Variants in FOXP2 observed in about 807,000 individuals in gnomAD.
FOXP2 encodes forkhead box protein P2.
In FOXP2, 12 loss-of-function variants were observed where a neutral mutation model predicts 115.8. The observed-to-expected ratio is 0.10, with a 90% CI of 0.07 to 0.17. FOXP2 has a LOEUF of 0.17. Ranked by LOEUF, FOXP2 falls within the 10% of genes least tolerant of loss-of-function variation. The pLI, the probability that FOXP2 is intolerant of heterozygous loss-of-function variation, is 1.00. For synonymous variants in FOXP2, 328 were observed against 297.7 expected, an observed-to-expected ratio of 1.10 and a Z score of -1.05; for missense variants, 629 against 843.5, an observed-to-expected ratio of 0.75 and a Z score of 3.15.
At chr7:114,449,130 T>C (rs1475977303) in intron 2 of FOXP2, among the ~76,000 whole-genome samples, 2 of 152,058 alleles carry the variant, frequency 1.3e-5, no homozygotes, top group East Asian at 3.8e-4. Flanking sequence ...CAATGACACA[T>C]TTAGAACTAT....
intron 2 of FOXP2, among the ~76,000 whole-genome samples, chr7:114,509,670 T>TGG (rs377552024): frequency 0.028 from 3,927 of 138,952 alleles, 125 homozygotes; most frequent in African/African-American, 0.086. Flanking sequence ...TTTTCTTTGG[T>TGG]GGGGGGGGGG....
chr7:114,209,138 A>T (rs1794278751), intron 1 of FOXP2, among the ~76,000 whole-genome samples: 1 of 152,138 alleles, frequency 6.6e-6, no homozygotes, highest in Non-Finnish European at 1.5e-5. Flanking sequence ...TGTTTTCATG[A>T]TAGTCAGTGA....
chr7:114,580,591 CA>C (rs1197230557), intron 3 of FOXP2, among the ~76,000 whole-genome samples: 1 of 151,754 alleles, frequency 6.6e-6, no homozygotes, highest in Non-Finnish European at 1.5e-5. Context: ...AAAACAAAAA[CA>C]AAAACAAAAC....
chr7:114,549,546 C>A (rs1800098203), intron 3 of FOXP2, among the ~76,000 whole-genome samples: 1 of 152,122 alleles, frequency 6.6e-6, no homozygotes, highest in Non-Finnish European at 1.5e-5. Flanking sequence ...CCCAGCCAAA[C>A]CAGGATTATT....
chr7:114,210,000 A>T (rs958811487), intron 1 of FOXP2, among the ~76,000 whole-genome samples: 1 of 152,164 alleles, frequency 6.6e-6, no homozygotes, highest in African/African-American at 2.4e-5. Context: ...GTTCTTCTCC[A>T]TACTGGCTAT....
chr7:114,114,597 A>G (rs1176394620), intron 1 of FOXP2, among the ~76,000 whole-genome samples: 1 of 152,122 alleles, frequency 6.6e-6, no homozygotes, highest in African/African-American at 2.4e-5. Context: ...CCATAGATGA[A>G]TGTTTTGAAC....
At chr7:114,403,254 A>G (rs1182390063) in intron 2 of FOXP2, among the ~76,000 whole-genome samples, 1 of 152,216 alleles carries the variant, frequency 6.6e-6, no homozygotes, top group Admixed American at 6.5e-5. Flanking sequence ...TTATTGCCAG[A>G]TGAGTTCAAG....
intron 16 of FOXP2, among the ~76,000 whole-genome samples, chr7:114,676,068 C>A (rs1034800670): frequency 5.5e-5 from 8 of 146,328 alleles, no homozygotes; most frequent in African/African-American, 2.0e-4. Flanking sequence ...CACCACCAGG[C>A]CCGGCTATTT....
intron 2 of FOXP2, among the ~76,000 whole-genome samples, chr7:114,359,688 C>A (rs769882029): frequency 6.6e-6 from 1 of 152,244 alleles, no homozygotes; most frequent in Non-Finnish European, 1.5e-5. Context: ...TAAGATTTGA[C>A]TGCAGCACTG....
At chr7:114,216,464 T>A (rs932264092) in intron 1 of FOXP2, among the ~76,000 whole-genome samples, 6 of 152,154 alleles carry the variant, frequency 3.9e-5, no homozygotes, top group African/African-American at 1.4e-4. Flanking sequence ...AGTTTAAGAG[T>A]TAAAAATAAT....
At chr7:114,364,473 C>A (rs1791829200) in intron 2 of FOXP2, among the ~76,000 whole-genome samples, 1 of 152,094 alleles carries the variant, frequency 6.6e-6, no homozygotes, top group South Asian at 2.1e-4. Flanking sequence ...TGAGCAAATG[C>A]CTTCCTAATG....
At chr7:114,116,191 C>T (rs1426216171) in intron 1 of FOXP2, among the ~76,000 whole-genome samples, 1 of 152,078 alleles carries the variant, frequency 6.6e-6, no homozygotes, top group Non-Finnish European at 1.5e-5. Context: ...ACCTCATGGT[C>T]CTACAGGAGG....
intron 7 of FOXP2, among the ~76,000 whole-genome samples, 190 bp from the exon 8 acceptor site, chr7:114,644,495 C>T (rs1042552641): frequency 3.9e-5 from 6 of 152,118 alleles, no homozygotes; most frequent in Non-Finnish European, 7.4e-5. Context: ...TCTATTTCTC[C>T]TCTAATTGGA....
intron 1 of FOXP2, among the ~76,000 whole-genome samples, chr7:114,098,703 C>T (rs557996364): frequency 7.2e-5 from 11 of 152,010 alleles, no homozygotes; most frequent in East Asian, 1.9e-4. Flanking sequence ...GCTACAAAAA[C>T]GAAAATAAAT....
intron 1 of FOXP2, among the ~76,000 whole-genome samples, chr7:114,276,508 G>A (rs1182323469): frequency 6.6e-6 from 1 of 152,000 alleles, no homozygotes; most frequent in Admixed American, 6.6e-5. Flanking sequence ...CCCCCTGCTG[G>A]AAACTTGAAG....
chr7:114,446,873 C>A (rs566848197), intron 2 of FOXP2, among the ~76,000 whole-genome samples: 1 of 151,944 alleles, frequency 6.6e-6, no homozygotes, highest in South Asian at 2.1e-4. Context: ...CTCAGCCTCC[C>A]AAGTAGCTGG....
intron 2 of FOXP2, among the ~76,000 whole-genome samples, chr7:114,403,814 T>G (rs1381541987): frequency 6.6e-6 from 1 of 152,166 alleles, no homozygotes; most frequent in African/African-American, 2.4e-5. Context: ...CCCCTTATTT[T>G]AATAGATATA....
chr7:114,114,128 A>G (rs1451552623), intron 1 of FOXP2, among the ~76,000 whole-genome samples: 4 of 151,940 alleles, frequency 2.6e-5, no homozygotes, highest in African/African-American at 9.7e-5. Context: ...GATGTCTACC[A>G]GAATGAAAGA....
chr7:114,244,553 A>G (rs556926530), intron 1 of FOXP2, among the ~76,000 whole-genome samples: 29 of 152,288 alleles, frequency 1.9e-4, no homozygotes, highest in African/African-American at 6.5e-4. Context: ...ACTATTTTGA[A>G]TGTTAGTGAG....
Sources: allele counts gnomAD v4.1 joint callset (sites outside exome capture counted in the v4.1 genomes callset), GRCh38; gene constraint gnomAD v4.1.1; transcripts MANE v1.5; gene names NCBI Gene and HGNC (gene_info 2026-07-23, HGNC 2026-07-21).